NRCAM: variants seen among roughly 807,000 people sequenced by gnomAD.
The protein encoded by NRCAM is neuronal cell adhesion molecule, also known as NgCAM-related cell adhesion molecule.
NRCAM carries 83 observed loss-of-function variants against 156.5 expected under a neutral mutation model. The ratio of observed to expected loss-of-function variants is 0.53; its 90% CI spans 0.44 to 0.64. The LOEUF (loss-of-function observed/expected upper bound fraction) is 0.64. Ranked by LOEUF, NRCAM falls within the 30% of genes least tolerant of loss-of-function variation. NRCAM has a pLI of 0.00. For missense variants in NRCAM, 1,417 were observed against 1,597.3 expected, an observed-to-expected ratio of 0.89 and a Z score of 1.92; for synonymous variants, 538 against 563.9, an observed-to-expected ratio of 0.95 and a Z score of 0.65.
At chr7:108,152,414 G>C (rs914700724) in intron 32 of NRCAM, among the ~76,000 whole-genome samples, 8 of 151,934 alleles carry the variant, frequency 5.3e-5, no homozygotes, top group African/African-American at 1.4e-4. Flanking sequence ...GGTGTGGCTG[G>C]GGGGAGGGAG....
At chr7:108,168,100 C>T (rs146810471) in intron 29 of NRCAM, among the ~76,000 whole-genome samples, 177 bp downstream of exon 29, 4 of 152,070 alleles carry the variant, frequency 2.6e-5, no homozygotes, top group East Asian at 1.9e-4. Context: ...AATTCCTAGT[C>T]GTGCATATAA....
intron 3 of NRCAM, among the ~76,000 whole-genome samples, chr7:108,307,413 C>T (rs1297561438): frequency 1.3e-5 from 2 of 152,174 alleles, no homozygotes; most frequent in African/African-American, 2.4e-5. Context: ...GAAACAAAAC[C>T]CTTTTCAGGA....
intron 2 of NRCAM, among the ~76,000 whole-genome samples, chr7:108,352,599 C>A (rs1233105972): frequency 1.3e-5 from 2 of 152,088 alleles, no homozygotes; most frequent in African/African-American, 4.8e-5. Flanking sequence ...AAAAAATAAC[C>A]ACATACAGAA....
chr7:108,254,132 C>T (rs2096512923), intron 3 of NRCAM, among the ~76,000 whole-genome samples: 1 of 152,144 alleles, frequency 6.6e-6, no homozygotes, highest in Admixed American at 6.5e-5. Context: ...AACTGATAAA[C>T]TTAACATAAT....
chr7:108,208,380 T>C (rs1320390768), intron 12 of NRCAM, among the ~76,000 whole-genome samples: 1 of 152,126 alleles, frequency 6.6e-6, no homozygotes, highest in African/African-American at 2.4e-5. Flanking sequence ...CTTAAAAACA[T>C]CATTTTTGAA....
At chr7:108,343,820 A>C (rs916228984) in intron 2 of NRCAM, among the ~76,000 whole-genome samples, 3 of 152,180 alleles carry the variant, frequency 2.0e-5, no homozygotes, top group African/African-American at 7.2e-5. Context: ...AAGTGTGCCA[A>C]TGAAATAATC....
intron 32 of NRCAM, among the ~76,000 whole-genome samples, chr7:108,151,537 G>A (rs1432115766): frequency 6.6e-6 from 1 of 152,034 alleles, no homozygotes; most frequent in Non-Finnish European, 1.5e-5. Flanking sequence ...TGAAGACTGG[G>A]AAATAATGCT....
chr7:108,299,114 A>AAAAAAAAAAAAAAGAAAGAAAG, intron 3 of NRCAM, among the ~76,000 whole-genome samples: 37 of 25,498 alleles, frequency 1.5e-3, no homozygotes, highest in Non-Finnish European at 1.6e-3. Context: ...TCAAAAAAAA[A>AAAAAAAAAAAAAAGAAAGAAAG]AAAGAAAGAA....
intron 2 of NRCAM, among the ~76,000 whole-genome samples, chr7:108,388,775 T>TA (rs1458945034): frequency 6.6e-6 from 1 of 152,244 alleles, no homozygotes; most frequent in East Asian, 1.9e-4. Flanking sequence ...GCTTTCCACA[T>TA]ACGGCTAGCC....
chr7:108,369,668 G>A (rs1469598200), intron 2 of NRCAM, among the ~76,000 whole-genome samples: 2 of 152,058 alleles, frequency 1.3e-5, no homozygotes, highest in Non-Finnish European at 2.9e-5. Context: ...GAAGTTCTGA[G>A]AGCAAGAACA....
chr7:108,296,445 T>C (rs556116379), intron 3 of NRCAM, among the ~76,000 whole-genome samples: 1 of 152,256 alleles, frequency 6.6e-6, no homozygotes, highest in African/African-American at 2.4e-5. Flanking sequence ...TGGAAGAATA[T>C]ACAGGTGACT....
chr7:108,435,824 A>T (rs1020246778), intron 1 of NRCAM, among the ~76,000 whole-genome samples: 2 of 152,264 alleles, frequency 1.3e-5, no homozygotes, highest in African/African-American at 4.8e-5. Context: ...CGAAAGGCAC[A>T]GTAAATCTTA....
Position 108,194,300 on chromosome 7 carries a change from A to G in NRCAM, c.1592T>C (p.Leu531Ser). 6.2e-7 allele frequency: 1 copy of G among 1,613,154 alleles called. No individual in the cohort carries two copies. The highest frequency in any genetic ancestry group is 8.5e-7 in the Non-Finnish European group (1 of 1,179,310). ...GTYTCVARNK[L>S]GMAKNEVHLE... The stretch of plus-strand genomic sequence containing the variant: ...GTGAACTTCATTCTTCGCCATCCCT[A>G]ATTTATTCCTTGCAACACACGTATA... Residue 531 changes from leucine (L) to serine (S), a missense_variant, in exon 16 of 33, where the codon TTA (leucine) becomes TCA (serine). Coordinates refer to ENST00000379028, the MANE Select transcript of NRCAM (RefSeq NM_001037132.4).
intron 2 of NRCAM, among the ~76,000 whole-genome samples, chr7:108,352,520 T>A (rs970660235): frequency 6.6e-6 from 1 of 152,240 alleles, no homozygotes. Flanking sequence ...TGCCTGTGTT[T>A]TTGTAAATTG....
chr7:108,412,467 T>C (rs1796636355), intron 1 of NRCAM, among the ~76,000 whole-genome samples: 2 of 152,178 alleles, frequency 1.3e-5, no homozygotes, highest in Admixed American at 6.5e-5. Context: ...TGTACAACAT[T>C]ATGTTTTGAA....
chr7:108,337,353 G>A (rs1361404102), intron 2 of NRCAM, among the ~76,000 whole-genome samples: 1 of 151,762 alleles, frequency 6.6e-6, no homozygotes, highest in Non-Finnish European at 1.5e-5. Context: ...TCTTGCAACT[G>A]CACACTCTTC....
chr7:108,206,933 T>C (rs190015308), intron 13 of NRCAM, among the ~76,000 whole-genome samples: 32 of 152,250 alleles, frequency 2.1e-4, no homozygotes, highest in Admixed American at 1.7e-3. Flanking sequence ...TCAAGGATGA[T>C]AGCAGCAGCT....
intron 2 of NRCAM, among the ~76,000 whole-genome samples, chr7:108,333,977 T>C (rs1035395157): frequency 2.0e-5 from 3 of 152,192 alleles, no homozygotes; most frequent in South Asian, 2.1e-4. Flanking sequence ...TTCAACAAAG[T>C]TGCAATCTTA....
At chr7:108,418,447 C>T (rs1356810009) in intron 1 of NRCAM, among the ~76,000 whole-genome samples, 2 of 152,068 alleles carry the variant, frequency 1.3e-5, no homozygotes, top group Non-Finnish European at 2.9e-5. Flanking sequence ...ATGGGACAAA[C>T]GATGACATTC....
Sources: gnomAD v4.1 joint callset for allele counts (sites outside exome capture counted in the v4.1 genomes callset) on GRCh38, gnomAD v4.1.1 for gene constraint, MANE v1.5 for transcripts, NCBI Gene and HGNC (gene_info 2026-07-23, HGNC 2026-07-21) for gene names.